Variants in FSTL4 observed in about 807,000 individuals in gnomAD.
FSTL4 encodes follistatin-related protein 4.
FSTL4 carries 28 observed loss-of-function variants against 78.2 expected under a neutral mutation model. The observed-to-expected ratio is 0.36, with a 90% CI of 0.27 to 0.49. FSTL4 has a LOEUF of 0.49. FSTL4 is among the 20% of genes least tolerant of loss of function. The probability of loss-of-function intolerance (pLI) is 0.98; values close to 1 mark genes in which losing one functional copy is unlikely to be tolerated. For missense variants in FSTL4, 922 were observed against 1,084.9 expected, an observed-to-expected ratio of 0.85 and a Z score of 2.11; for synonymous variants, 422 against 440.5, an observed-to-expected ratio of 0.96 and a Z score of 0.53.
intron 6 of FSTL4, among the ~76,000 whole-genome samples, chr5:133,262,023 C>T (rs1182224457): frequency 6.6e-6 from 1 of 151,654 alleles, no homozygotes; most frequent in Non-Finnish European, 1.5e-5. Context: ...ACAGAATAGA[C>T]TCTTTGTGGT....
rs183126738 is a variant in FSTL4 at position 133,493,699 on chromosome 5, G to C, written c.160+73487C>G. ...CCTCAGGGTGCCATGACATTGGCTT[G>C]CTCACTCGTCACTGCCTTTGAGAGT... On this transcript the variant is annotated intron_variant, in intron 3 of 15. Transcript: ENST00000265342. 6.2e-4 allele frequency among the ~76,000 whole-genome samples: 95 copies of C among 152,294 alleles called. 1 individual carries two copies. The highest frequency in any genetic ancestry group is 2.2e-3 in the African/African-American group (93 of 41,556).
intron 4 of FSTL4, among the ~76,000 whole-genome samples, chr5:133,390,082 A>G (rs757123625): frequency 4.6e-5 from 7 of 152,218 alleles, no homozygotes; most frequent in Non-Finnish European, 7.3e-5. Context: ...CAAGCAGTGG[A>G]AGAGAAAGCA....
chr5:133,486,251 G>A (rs1196990414), intron 3 of FSTL4, among the ~76,000 whole-genome samples: 1 of 151,946 alleles, frequency 6.6e-6, no homozygotes, highest in Non-Finnish European at 1.5e-5. Flanking sequence ...TAAAGAGGAG[G>A]ACAGGGTACG....
chr5:133,469,909 T>C, intron 3 of FSTL4, among the ~76,000 whole-genome samples: 1 of 151,520 alleles, frequency 6.6e-6, no homozygotes, highest in African/African-American at 2.4e-5. Context: ...TGGGGAAAAA[T>C]TGAAGCGCTA....
the FSTL4 span, among the ~76,000 whole-genome samples, chr5:133,837,529 G>A: frequency 1.3e-5 from 2 of 152,114 alleles, no homozygotes; most frequent in Admixed American, 1.3e-4. Context: ...TTCAAGAGAG[G>A]GTTCATGTTT....
At chr5:133,715,324 G>A in the FSTL4 span, among the ~76,000 whole-genome samples, 1 of 152,198 alleles carries the variant, frequency 6.6e-6, no homozygotes, top group East Asian at 1.9e-4. Context: ...TGACTAAATT[G>A]GCAGTTTATT....
At chr5:133,410,415 C>T (rs1021487138) in intron 3 of FSTL4, among the ~76,000 whole-genome samples, 4 of 152,184 alleles carry the variant, frequency 2.6e-5, no homozygotes, top group East Asian at 1.9e-4. Context: ...CGGTCTGCAC[C>T]GTCTCGCTGA....
intron 4 of FSTL4, among the ~76,000 whole-genome samples, chr5:133,390,854 C>T (rs1561698069): frequency 6.6e-6 from 1 of 151,754 alleles, no homozygotes; most frequent in Non-Finnish European, 1.5e-5. Context: ...TGGGTCACTG[C>T]TTCCCTGTCC....
At chr5:133,378,230 T>A (rs1040049255) in intron 4 of FSTL4, among the ~76,000 whole-genome samples, 1 of 152,222 alleles carries the variant, frequency 6.6e-6, no homozygotes, top group Non-Finnish European at 1.5e-5. Flanking sequence ...TATGTAATTA[T>A]AGCAGACAGT....
At chr5:133,706,743 C>A in the FSTL4 span, among the ~76,000 whole-genome samples, 2 of 152,192 alleles carry the variant, frequency 1.3e-5, no homozygotes, top group African/African-American at 4.8e-5. Flanking sequence ...ACCAACACAA[C>A]AGAAACAGGA....
At chr5:133,609,490 C>T (rs1210071797) in intron 1 of FSTL4, among the ~76,000 whole-genome samples, 1 of 152,136 alleles carries the variant, frequency 6.6e-6, no homozygotes, top group Non-Finnish European at 1.5e-5. Context: ...GCTTACGACC[C>T]TAGTTTTGAT....
the FSTL4 span, among the ~76,000 whole-genome samples, chr5:133,818,127 A>G: frequency 6.6e-6 from 1 of 152,200 alleles, no homozygotes; most frequent in Non-Finnish European, 1.5e-5. Flanking sequence ...TCACCCCTTT[A>G]GGGAACGTGA....
the FSTL4 span, among the ~76,000 whole-genome samples, chr5:133,662,725 G>T: frequency 1.3e-5 from 2 of 152,264 alleles, no homozygotes; most frequent in South Asian, 2.1e-4. Flanking sequence ...GCTCCCCAGG[G>T]CTGTGCTTAC....
intron 4 of FSTL4, among the ~76,000 whole-genome samples, chr5:133,355,980 T>C (rs753298693): frequency 6.6e-6 from 1 of 152,138 alleles, no homozygotes; most frequent in Non-Finnish European, 1.5e-5. Context: ...GTGTTTTATC[T>C]TTTAAGAGGA....
At chr5:133,220,977 G>C in intron 11 of FSTL4, 111 bp from the exon 12 acceptor site, 1 of 776,398 alleles carries the variant, frequency 1.3e-6, no homozygotes, top group Non-Finnish European at 2.4e-6. Flanking sequence ...ATCTGGTGCA[G>C]GCACGAGATG....
the FSTL4 span, among the ~76,000 whole-genome samples, chr5:133,796,530 G>A: frequency 6.6e-6 from 1 of 152,138 alleles, no homozygotes. Context: ...CAGAAGTGGG[G>A]GATGGAATGG....
intron 6 of FSTL4, among the ~76,000 whole-genome samples, chr5:133,299,567 G>C (rs1753484443): frequency 6.6e-6 from 1 of 152,188 alleles, no homozygotes; most frequent in South Asian, 2.1e-4. Context: ...CTCTGGGTCT[G>C]GGGGCCCTGC....
chr5:133,334,903 C>T (rs1259660320), intron 4 of FSTL4, among the ~76,000 whole-genome samples: 2 of 152,080 alleles, frequency 1.3e-5, no homozygotes, highest in Non-Finnish European at 2.9e-5. Flanking sequence ...GTGGGTTTTG[C>T]CAAGCAGCCT....
rs184962240 is a variant in FSTL4, at chr5:133,281,758, A to G, written c.727+30896T>C. On this transcript the variant is annotated intron_variant, in intron 6 of 15. Coordinates refer to ENST00000265342, the MANE Select transcript of FSTL4 (RefSeq NM_015082.2). ...CTAGGGCAGTCCCAGCCCCCAGGACATGAAGAGGGGATATAGATTTTGGAG... is the reference window on the plus strand; with the variant it reads ...CTAGGGCAGTCCCAGCCCCCAGGACGTGAAGAGGGGATATAGATTTTGGAG... 7.9e-5 allele frequency among the ~76,000 whole-genome samples: 12 copies of G among 152,278 alleles called. No homozygotes were observed. In the East Asian group the frequency reaches 2.3e-3, roughly 29 times the overall value.
Sources: gnomAD v4.1 joint callset for allele counts (sites outside exome capture counted in the v4.1 genomes callset) on GRCh38, gnomAD v4.1.1 for gene constraint, MANE v1.5 for transcripts, NCBI Gene and HGNC (gene_info 2026-07-23, HGNC 2026-07-21) for gene names.